The following FER1L6 variants were observed in gnomAD, a reference collection of about 807,000 sequenced individuals.
The protein encoded by FER1L6 is fer-1-like protein 6.
In FER1L6, 177 loss-of-function variants were observed where a neutral mutation model predicts 219.2. That is an observed-to-expected ratio of 0.81 (90% CI 0.71 to 0.91). The LOEUF is 0.91. Among genes scored for constraint, FER1L6 ranks in the 40% least tolerant of loss-of-function variants. The probability of loss-of-function intolerance (pLI) is 0.00; values close to 1 mark genes in which losing one functional copy is unlikely to be tolerated. For missense variants in FER1L6, 2,153 were observed against 2,259.9 expected, an observed-to-expected ratio of 0.95 and a Z score of 0.96; for synonymous variants, 768 against 824.3, an observed-to-expected ratio of 0.93 and a Z score of 1.17.
chr8:123,889,114 A>G (rs1037044290), intron 1 of FER1L6, among the ~76,000 whole-genome samples: 1 of 152,232 alleles, frequency 6.6e-6, no homozygotes, highest in African/African-American at 2.4e-5. Flanking sequence ...AACCCAGCCA[A>G]AATAAAATGA....
intron 1 of FER1L6, among the ~76,000 whole-genome samples, chr8:123,875,414 C>T (rs1377794366): frequency 1.3e-5 from 2 of 152,076 alleles, no homozygotes; most frequent in African/African-American, 2.4e-5. Context: ...TTCTCAGTCT[C>T]CTTTTCAACT....
At chr8:123,884,989 T>TA (rs1051897453) in intron 1 of FER1L6, among the ~76,000 whole-genome samples, 3 of 152,096 alleles carry the variant, frequency 2.0e-5, no homozygotes, top group Non-Finnish European at 2.9e-5. Context: ...AGAGTGTCCT[T>TA]AAAAAAAGAG....
chr8:124,109,666 C>T (rs941719497), intron 39 of FER1L6, among the ~76,000 whole-genome samples: 3 of 152,104 alleles, frequency 2.0e-5, no homozygotes, highest in Non-Finnish European at 2.9e-5. Context: ...ATAGTTTTTT[C>T]CTGAGTCTAG....
intron 22 of FER1L6, among the ~76,000 whole-genome samples, chr8:124,050,034 G>A (rs1435201326): frequency 3.9e-5 from 6 of 152,198 alleles, no homozygotes; most frequent in African/African-American, 1.2e-4. Context: ...TCCTGAGCTT[G>A]CAGGCCTCCA....
At chr8:124,039,259 T>A (rs1819353845) in intron 19 of FER1L6, among the ~76,000 whole-genome samples, 1 of 152,186 alleles carries the variant, frequency 6.6e-6, no homozygotes, top group Non-Finnish European at 1.5e-5. Context: ...TCCTCAGAGA[T>A]CAAGACTGTA....
intron 5 of FER1L6, among the ~76,000 whole-genome samples, 166 bp downstream of exon 5, chr8:123,966,456 C>G (rs1481340544): frequency 1.3e-5 from 2 of 152,198 alleles, no homozygotes; most frequent in Admixed American, 1.3e-4. Flanking sequence ...CCCCCTAAAG[C>G]TTTTCACAAA....
rs576727733 is a variant in FER1L6, at chr8:123,973,651, AT to A, written c.526+140del. The A allele has an allele frequency of 1.6e-4, 113 of 696,554 alleles. 1 individual carries two copies. In the South Asian group the frequency reaches 1.8e-3, roughly 11 times the overall value. 43.1% of individuals were successfully genotyped at this position (696,554 alleles called of 1,614,324 possible). On this transcript the variant is annotated intron_variant, in intron 7 of 40. Coordinates refer to ENST00000522917, the MANE Select transcript of FER1L6 (RefSeq NM_001039112.2). ...CCAGTTATACAAAGTTGAATGAGAC[AT>A]AACTCTTGCCCTCAAATGTTTTACA...
intron 16 of FER1L6, among the ~76,000 whole-genome samples, chr8:124,019,160 A>G (rs537202347): frequency 7.6e-4 from 115 of 152,304 alleles, no homozygotes; most frequent in South Asian, 1.7e-3. Context: ...ACATTGGGCT[A>G]TTTACTATCT....
chr8:124,061,759 G>A, intron 24 of FER1L6, 93 bp from the exon 25 acceptor site: 2 of 1,254,808 alleles, frequency 1.6e-6, no homozygotes, highest in African/African-American at 1.5e-5. Flanking sequence ...GAATGGCAAG[G>A]CAGAGACAAG....
chr8:123,952,804 G>C (rs997692989), intron 1 of FER1L6, among the ~76,000 whole-genome samples: 1 of 152,192 alleles, frequency 6.6e-6, no homozygotes, highest in African/African-American at 2.4e-5. Flanking sequence ...CTGGCACATA[G>C]TGAGTGCTTT....
intron 1 of FER1L6, among the ~76,000 whole-genome samples, chr8:123,877,888 C>T (rs953582235): frequency 4.6e-5 from 7 of 151,508 alleles, no homozygotes; most frequent in South Asian, 2.1e-4. Flanking sequence ...TAAATTATTG[C>T]GGTTCTTTAC....
intron 1 of FER1L6, among the ~76,000 whole-genome samples, chr8:123,869,344 T>A (rs1413503560): frequency 6.6e-6 from 1 of 152,218 alleles, no homozygotes; most frequent in Non-Finnish European, 1.5e-5. Context: ...TCTCTTCCCC[T>A]GTGCTCTGTA....
chr8:123,911,269 G>A (rs546043360), intron 1 of FER1L6, among the ~76,000 whole-genome samples: 9 of 152,252 alleles, frequency 5.9e-5, no homozygotes, highest in African/African-American at 2.2e-4. Flanking sequence ...ATTCCCATTT[G>A]ATTCCACATG....
At chr8:123,889,641 T>C (rs1812604212) in intron 1 of FER1L6, among the ~76,000 whole-genome samples, 1 of 152,076 alleles carries the variant, frequency 6.6e-6, no homozygotes, top group Non-Finnish European at 1.5e-5. Context: ...TAATTCTGTA[T>C]ATAAAAAAGG....
chr8:124,067,723 A>C, intron 27 of FER1L6, 44 bp from the exon 28 acceptor site: 1 of 1,529,734 alleles, frequency 6.5e-7, no homozygotes, highest in Non-Finnish European at 9.0e-7. Flanking sequence ...TCAATTAATA[A>C]ATCAAGTATT....
At chr8:123,933,342 CT>C (rs983960049) in intron 1 of FER1L6, among the ~76,000 whole-genome samples, 2 of 152,164 alleles carry the variant, frequency 1.3e-5, no homozygotes, top group Admixed American at 6.5e-5. Flanking sequence ...CCACTTCCCC[CT>C]ATAGTCTGAT....
chr8:123,998,263 T>A (rs111425844), intron 12 of FER1L6, among the ~76,000 whole-genome samples: 8 of 152,262 alleles, frequency 5.3e-5, no homozygotes, highest in African/African-American at 1.9e-4. Flanking sequence ...CTGTGGCTCT[T>A]GCAGAGTTGT....
intron 1 of FER1L6, among the ~76,000 whole-genome samples, chr8:123,881,708 A>C (rs1306691856): frequency 6.6e-6 from 1 of 152,174 alleles, no homozygotes; most frequent in Non-Finnish European, 1.5e-5. Context: ...GGCAGCCTGA[A>C]GGTCCCTGAG....
intron 22 of FER1L6, among the ~76,000 whole-genome samples, chr8:124,056,558 T>G (rs1820307023): frequency 6.6e-6 from 1 of 152,262 alleles, no homozygotes; most frequent in Admixed American, 6.5e-5. Flanking sequence ...TTAAGTCTTC[T>G]TATTAGAGGT....
Sources: gnomAD v4.1 joint callset for allele counts (sites outside exome capture counted in the v4.1 genomes callset) on GRCh38, gnomAD v4.1.1 for gene constraint, MANE v1.5 for transcripts, NCBI Gene and HGNC (gene_info 2026-07-23, HGNC 2026-07-21) for gene names.